Variants in PDE1C observed in about 807,000 individuals in gnomAD.
The protein encoded by PDE1C is dual specificity calcium/calmodulin-dependent 3',5'-cyclic nucleotide phosphodiesterase 1C.
In PDE1C, 62 loss-of-function variants were observed where a neutral mutation model predicts 93.1. The ratio of observed to expected loss-of-function variants is 0.67; its 90% CI spans 0.54 to 0.82. PDE1C has a LOEUF of 0.82. Among genes scored for constraint, PDE1C ranks in the 40% least tolerant of loss-of-function variants. PDE1C has a pLI of 0.00. For missense variants in PDE1C, 742 were observed against 884.6 expected (o/e 0.84, Z 2.04); for synonymous variants, 325 against 310.1 (o/e 1.05, Z -0.50).
chr7:32,372,686 T>C (rs781050926), intron 1 of PDE1C, among the ~76,000 whole-genome samples: 7 of 152,104 alleles, frequency 4.6e-5, no homozygotes, highest in Non-Finnish European at 7.4e-5. Flanking sequence ...AGAAAATGAA[T>C]GGGAGAAACT....
chr7:31,900,958 C>A (rs1799901923), intron 2 of PDE1C, among the ~76,000 whole-genome samples: 1 of 151,362 alleles, frequency 6.6e-6, no homozygotes, highest in Non-Finnish European at 1.5e-5. Context: ...TGATGCAGTT[C>A]AATATTTTTC....
At chr7:31,616,924 G>C in the PDE1C span, among the ~76,000 whole-genome samples, 1 of 152,044 alleles carries the variant, frequency 6.6e-6, no homozygotes, top group East Asian at 1.9e-4. Context: ...TGTGGGAATG[G>C]TATGGTTGTC....
the PDE1C span, among the ~76,000 whole-genome samples, chr7:31,694,809 C>T: frequency 5.9e-5 from 9 of 151,980 alleles, no homozygotes; most frequent in African/African-American, 1.5e-4. Context: ...CTGATAGACT[C>T]GATGTAAAAG....
At chr7:32,289,185 G>A (rs1812187794) in intron 1 of PDE1C, among the ~76,000 whole-genome samples, 1 of 152,130 alleles carries the variant, frequency 6.6e-6, no homozygotes, top group Admixed American at 6.5e-5. Context: ...CAGAAGGATC[G>A]CTTGAGCCCA....
intron 2 of PDE1C, among the ~76,000 whole-genome samples, chr7:31,999,209 T>C (rs1301002580): frequency 6.6e-6 from 1 of 152,170 alleles, no homozygotes; most frequent in East Asian, 1.9e-4. Flanking sequence ...ACAGCCCCTC[T>C]AGAACTCACA....
At chr7:32,051,192 C>G (rs1309548009) in intron 2 of PDE1C, among the ~76,000 whole-genome samples, 1 of 152,218 alleles carries the variant, frequency 6.6e-6, no homozygotes, top group Non-Finnish European at 1.5e-5. Context: ...AAGGAGAATT[C>G]AGACACTAAA....
At chr7:32,375,608 C>T (rs1784420152) in intron 1 of PDE1C, among the ~76,000 whole-genome samples, 1 of 152,206 alleles carries the variant, frequency 6.6e-6, no homozygotes, top group Middle Eastern at 3.2e-3. Context: ...TCAAAGAATT[C>T]TACCCAAAAT....
At chr7:32,213,872 G>A (rs770267153) in intron 1 of PDE1C, among the ~76,000 whole-genome samples, 5 of 152,152 alleles carry the variant, frequency 3.3e-5, no homozygotes, top group Non-Finnish European at 5.9e-5. Context: ...AGGCACAGAG[G>A]GATGAGTAGA....
At chr7:32,035,438 C>G (rs1482008949) in intron 2 of PDE1C, among the ~76,000 whole-genome samples, 1 of 152,188 alleles carries the variant, frequency 6.6e-6, no homozygotes, top group Admixed American at 6.5e-5. Flanking sequence ...CTGTCTTTGA[C>G]TATTGAGCTG....
intron 1 of PDE1C, among the ~76,000 whole-genome samples, chr7:32,290,419 A>G (rs1004144008): frequency 1.3e-5 from 2 of 152,142 alleles, no homozygotes; most frequent in Non-Finnish European, 2.9e-5. Flanking sequence ...CTCCATCATC[A>G]CAACCAACAG....
chr7:32,123,809 CCT>C (rs1273619033), intron 3 of PDE1C, among the ~76,000 whole-genome samples: 3 of 152,110 alleles, frequency 2.0e-5, no homozygotes, highest in African/African-American at 7.2e-5. Flanking sequence ...ACAAGGATGC[CCT>C]CTCTTACCAC....
chr7:32,248,281 G>C (rs1191898515), intron 1 of PDE1C, among the ~76,000 whole-genome samples: 1 of 152,056 alleles, frequency 6.6e-6, no homozygotes, highest in Non-Finnish European at 1.5e-5. Context: ...AAGTCCTCGA[G>C]GGAAAGAATT....
chr7:31,868,485 C>CA (rs1795556863), intron 6 of PDE1C, among the ~76,000 whole-genome samples: 1 of 151,842 alleles, frequency 6.6e-6, no homozygotes, highest in Non-Finnish European at 1.5e-5. Flanking sequence ...CAGGTCTTCA[C>CA]AAAAAATGCA....
At chr7:32,284,587 T>A (rs17161140) in intron 1 of PDE1C, among the ~76,000 whole-genome samples, 1 of 152,278 alleles carries the variant, frequency 6.6e-6, no homozygotes, top group East Asian at 1.9e-4. Flanking sequence ...GCTATTATCA[T>A]CCTCACATAT....
At chr7:32,240,472 G>T (rs780918681) in intron 1 of PDE1C, among the ~76,000 whole-genome samples, 6 of 152,136 alleles carry the variant, frequency 3.9e-5, no homozygotes, top group Non-Finnish European at 8.8e-5. Flanking sequence ...TGTTTACTAT[G>T]ATAAAAAATA....
intron 1 of PDE1C, among the ~76,000 whole-genome samples, chr7:32,306,124 C>T (rs189256938): frequency 1.3e-5 from 2 of 152,248 alleles, no homozygotes; most frequent in Non-Finnish European, 2.9e-5. Flanking sequence ...CCATGTAAGA[C>T]GTGCCTTTCA....
Position 32,365,893 on chromosome 7 carries a change from C to T in PDE1C, c.310+61929G>A, listed in dbSNP as rs140946955. Among the ~76,000 whole-genome samples the T allele has an allele frequency of 1.4e-3, 210 of 152,282 alleles. 2 individuals are homozygous for T. The highest frequency in any genetic ancestry group is 4.9e-3 in the African/African-American group (205 of 41,550). ...CCAGAACAAAAGCCAGCACACCACA[C>T]TGAGCTAACATCCCAAAACACATTC... is the stretch of plus-strand genomic sequence containing the variant. On this transcript the variant is annotated intron_variant, in intron 1 of 1. Transcript: ENST00000672256.
intron 2 of PDE1C, among the ~76,000 whole-genome samples, chr7:32,170,918 G>A (rs1802606960): frequency 6.6e-6 from 1 of 152,020 alleles, no homozygotes; most frequent in Non-Finnish European, 1.5e-5. Flanking sequence ...ATCACCCCAG[G>A]GCCTGGTACC....
chr7:32,193,784 T>C (rs1335125257), intron 2 of PDE1C, among the ~76,000 whole-genome samples: 2 of 152,162 alleles, frequency 1.3e-5, no homozygotes, highest in East Asian at 3.8e-4. Flanking sequence ...ACTCAAGAGA[T>C]TGCGGGGGGA....
Sources: gnomAD v4.1 joint callset for allele counts (sites outside exome capture counted in the v4.1 genomes callset) on GRCh38, gnomAD v4.1.1 for gene constraint, MANE v1.5 for transcripts, NCBI Gene and HGNC (gene_info 2026-07-23, HGNC 2026-07-21) for gene names.